EVL: variants seen among roughly 807,000 people sequenced by gnomAD.
EVL encodes the protein ena/VASP-like protein.
Under a neutral mutation model 59.6 loss-of-function variants are expected in EVL, and 21 were observed. The observed-to-expected ratio is 0.35, with a 90% CI of 0.25 to 0.51. EVL has a LOEUF of 0.51. Ranked by LOEUF, EVL falls within the 20% of genes least tolerant of loss-of-function variation. The pLI is 0.97. For synonymous variants in EVL, 198 were observed against 203.5 expected (o/e 0.97, Z 0.23); for missense variants, 462 against 546.6 (o/e 0.85, Z 1.54).
chr14:100,068,401 A>G (rs1013455582), intron 1 of EVL, among the ~76,000 whole-genome samples: 1 of 152,194 alleles, frequency 6.6e-6, no homozygotes, highest in Non-Finnish European at 1.5e-5. Flanking sequence ...TTTAGCGCGT[A>G]TGTCAGAATT....
chr14:100,023,371 ATTT>A (rs1010647617), intron 1 of EVL, among the ~76,000 whole-genome samples: 13 of 90,750 alleles, frequency 1.4e-4, no homozygotes, highest in East Asian at 3.6e-4. Flanking sequence ...AGCCCGGCTA[ATTT>A]TTTTTTTTTT....
At chr14:100,045,975 C>G (rs1294373728) in intron 1 of EVL, among the ~76,000 whole-genome samples, 1 of 152,192 alleles carries the variant, frequency 6.6e-6, no homozygotes, top group East Asian at 1.9e-4. Context: ...TCACCCAGAA[C>G]AGCTCAGAGC....
At chr14:100,123,416 A>G in intron 3 of EVL, 123 bp from the exon 4 acceptor site, 1 of 921,600 alleles carries the variant, frequency 1.1e-6, no homozygotes. Context: ...CAACATTTAA[A>G]AAGATTCTTA....
At chr14:99,998,658 T>C (rs1461154602) in intron 1 of EVL, among the ~76,000 whole-genome samples, 1 of 152,354 alleles carries the variant, frequency 6.6e-6, no homozygotes, top group East Asian at 1.9e-4. Flanking sequence ...GTTAGCATTT[T>C]GGCTAACATG....
intron 8 of EVL, among the ~76,000 whole-genome samples, chr14:100,134,020 C>G (rs12590241): frequency 0.083 from 12,645 of 152,294 alleles, 888 homozygotes; most frequent in East Asian, 0.38. Context: ...TGATCCCAGC[C>G]CCGGTCTTCT....
upstream of EVL, chr14:100,065,355 T>G: frequency 1.2e-6 from 1 of 855,500 alleles, no homozygotes; most frequent in Non-Finnish European, 1.6e-6. Flanking sequence ...TGTCTCTGGT[T>G]CAGCTTCCTT....
At chr14:100,122,760 C>T (rs1048646484) in intron 3 of EVL, among the ~76,000 whole-genome samples, 39 of 152,320 alleles carry the variant, frequency 2.6e-4, no homozygotes, top group African/African-American at 4.3e-4. Flanking sequence ...TCTTAGGTGG[C>T]GGCAGAAGCT....
intron 3 of EVL, among the ~76,000 whole-genome samples, chr14:100,118,074 C>T (rs1043788718): frequency 5.3e-5 from 8 of 152,216 alleles, no homozygotes; most frequent in Non-Finnish European, 7.3e-5. Flanking sequence ...CTGTTGGCCA[C>T]GCTCTTCCTC....
At chr14:100,038,713 G>A (rs140985608) in intron 1 of EVL, among the ~76,000 whole-genome samples, 1 of 152,156 alleles carries the variant, frequency 6.6e-6, no homozygotes, top group African/African-American at 2.4e-5. Context: ...CAGCTTGGGT[G>A]GGTAGCTGTC....
At chr14:99,988,121 G>T (rs1443734058) in intron 1 of EVL, among the ~76,000 whole-genome samples, 1 of 151,670 alleles carries the variant, frequency 6.6e-6, no homozygotes, top group African/African-American at 2.4e-5. Flanking sequence ...TCTCCATGTT[G>T]GTCAGGCTAG....
chr14:100,040,137 G>A (rs2061445929), intron 1 of EVL, among the ~76,000 whole-genome samples: 3 of 152,178 alleles, frequency 2.0e-5, no homozygotes, highest in Non-Finnish European at 1.5e-5. Flanking sequence ...GTGGCACTTG[G>A]ACAGCCTTAG....
intron 1 of EVL, among the ~76,000 whole-genome samples, chr14:99,993,287 T>G (rs1034070573): frequency 6.6e-6 from 1 of 152,142 alleles, no homozygotes; most frequent in Non-Finnish European, 1.5e-5. Context: ...CTCAATCTCC[T>G]GACCTCGTGA....
chr14:100,038,316 CAA>C (rs35539319), intron 1 of EVL, among the ~76,000 whole-genome samples: 1 of 152,356 alleles, frequency 6.6e-6, no homozygotes, highest in African/African-American at 2.4e-5. Flanking sequence ...AGGTTTTAAA[CAA>C]ACTGATCTTA....
At chr14:100,121,926 G>A (rs543184367) in intron 3 of EVL, among the ~76,000 whole-genome samples, 39 of 152,316 alleles carry the variant, frequency 2.6e-4, no homozygotes, top group Middle Eastern at 3.4e-3. Flanking sequence ...CAGGGTCGCT[G>A]GGACAGGGAC....
rs1889146055 is a variant in EVL at position 100,141,252 on chromosome 14, C to T, written c.1161+6C>T. 6 of 1,613,626 alleles carry T rather than the reference C, an allele frequency of 3.7e-6. No homozygotes were observed. The highest frequency in any genetic ancestry group is 5.1e-6 in the Non-Finnish European group (6 of 1,179,858). On this transcript the variant is annotated splice_donor_region_variant and intron_variant, in intron 12 of 13. Coordinates refer to ENST00000392920, the MANE Select transcript of EVL (RefSeq NM_016337.3). ...ACTTGGACCGGATGAAGCAGGTGAG[C>T]ATGCCCTGTGCCCTTCCCTCAAGAG...
chr14:99,993,057 CTTTTT>C (rs544024215), intron 1 of EVL, among the ~76,000 whole-genome samples: 1 of 129,680 alleles, frequency 7.7e-6, no homozygotes. Context: ...GCGTATAATC[CTTTTT>C]TTTTTTTTTT....
intron 1 of EVL, among the ~76,000 whole-genome samples, chr14:100,069,685 C>T (rs1052032693): frequency 2.0e-5 from 3 of 152,150 alleles, no homozygotes; most frequent in Admixed American, 2.0e-4. Context: ...AGAAACATTC[C>T]TCTGGAGATT....
intron 3 of EVL, among the ~76,000 whole-genome samples, chr14:100,122,776 G>A (rs1887781465): frequency 6.6e-6 from 1 of 152,252 alleles, no homozygotes. Flanking sequence ...AAGCTTAACT[G>A]TGGCACAGCA....
intron 1 of EVL, among the ~76,000 whole-genome samples, chr14:100,026,976 C>T (rs2061225339): frequency 6.6e-6 from 1 of 152,060 alleles, no homozygotes; most frequent in African/African-American, 2.4e-5. Context: ...GCAGACAGAC[C>T]AGGGAGAGAG....
Sources: allele counts gnomAD v4.1 joint callset (sites outside exome capture counted in the v4.1 genomes callset), GRCh38; gene constraint gnomAD v4.1.1; transcripts MANE v1.5; gene names NCBI Gene and HGNC (gene_info 2026-07-23, HGNC 2026-07-21).